The following AMELY variants were observed in gnomAD, a reference collection of about 807,000 sequenced individuals.
AMELY encodes the protein amelogenin, Y isoform.
In AMELY, 4 loss-of-function variants were observed where a neutral mutation model predicts 4.2. That is an observed-to-expected ratio of 0.96 (90% CI 0.47 to 2.19). The LOEUF (loss-of-function observed/expected upper bound fraction) is 2.19, where lower values mean the gene tolerates loss of function less well. Ranked by LOEUF, AMELY falls within the 30% of genes most tolerant of loss-of-function variation. AMELY has a pLI of 0.02. For missense variants in AMELY, 32 were observed against 41.5 expected, an observed-to-expected ratio of 0.77 and a Z score of 0.63; for synonymous variants, 11 against 14.7, an observed-to-expected ratio of 0.75 and a Z score of 0.57.
intron 6 of AMELY, among the ~76,000 whole-genome samples, chrY:6,866,454 A>G (rs769262971): frequency 6.1e-5 from 2 of 32,784 alleles, no homozygotes; most frequent in African/African-American, 2.4e-4. Context: ...AGTTCAAACT[A>G]TCTGCCCAAA....
chrY:6,899,919 C>T, intron 1 of AMELY, among the ~76,000 whole-genome samples: 2 of 33,055 alleles, frequency 6.1e-5, no homozygotes, highest in African/African-American at 2.4e-4. Flanking sequence ...ATGGTGTTCA[C>T]CTGTTATCCC....
chrY:6,911,166 A>G (rs2011688940), intron 1 of AMELY, among the ~76,000 whole-genome samples: 2 of 34,528 alleles, frequency 5.8e-5, no homozygotes, highest in African/African-American at 2.2e-4. Context: ...CGCTCCCTGG[A>G]CTCAACAATA....
At chrY:6,886,161 C>G (rs2054079996) in intron 1 of AMELY, among the ~76,000 whole-genome samples, 1 of 33,321 alleles carries the variant, frequency 3.0e-5, no homozygotes, top group Non-Finnish European at 7.4e-5. Flanking sequence ...AACCAGAGGC[C>G]TAAAGAAAAT....
At chrY:6,905,003 A>T in intron 1 of AMELY, among the ~76,000 whole-genome samples, 1 of 33,622 alleles carries the variant, frequency 3.0e-5, no homozygotes, top group South Asian at 6.8e-4. Context: ...CAGCATCTCT[A>T]TCTGCCACTG....
chrY:6,890,790 G>GAA (rs2054082541), intron 1 of AMELY, among the ~76,000 whole-genome samples: 1 of 33,631 alleles, frequency 3.0e-5, no homozygotes, highest in African/African-American at 1.2e-4. Flanking sequence ...TGTCACTGGT[G>GAA]GTGCTAGGTT....
intron 3 of AMELY, among the ~76,000 whole-genome samples, chrY:6,871,960 A>AAACAAC (rs1316640666): frequency 3.7e-4 from 11 of 29,416 alleles, no homozygotes; most frequent in South Asian, 1.6e-3. Context: ...CTCCATCTCA[A>AAACAAC]AACAACAACA....
chrY:6,871,505 A>C, intron 3 of AMELY, among the ~76,000 whole-genome samples: 1 of 33,139 alleles, frequency 3.0e-5, no homozygotes, highest in African/African-American at 1.2e-4. Context: ...CTAACACAGA[A>C]ATCTTACCCT....
chrY:6,896,799 C>T, intron 1 of AMELY, among the ~76,000 whole-genome samples: 1 of 32,842 alleles, frequency 3.0e-5, no homozygotes, highest in African/African-American at 1.2e-4. Flanking sequence ...CCAGAGCAAC[C>T]CAAGAGAAAA....
chrY:6,884,560 C>T, intron 1 of AMELY, among the ~76,000 whole-genome samples: 1 of 32,698 alleles, frequency 3.1e-5, no homozygotes, highest in East Asian at 8.0e-4. Flanking sequence ...CAAGACCCAG[C>T]AGTATACTGT....
chrY:6,876,709 G>A, intron 1 of AMELY, among the ~76,000 whole-genome samples: 2 of 32,776 alleles, frequency 6.1e-5, no homozygotes, highest in Non-Finnish European at 1.5e-4. Context: ...ACAGACATGA[G>A]CCCAGAGCAG....
intron 1 of AMELY, among the ~76,000 whole-genome samples, 119 bp from the exon 2 acceptor site, chrY:6,874,190 C>T: frequency 9.1e-5 from 3 of 32,901 alleles, no homozygotes; most frequent in Non-Finnish European, 2.3e-4. Flanking sequence ...TGTGATTAGT[C>T]CATATAGTTC....
At chrY:6,882,625 C>A (rs2054075653) in intron 1 of AMELY, among the ~76,000 whole-genome samples, 1 of 32,784 alleles carries the variant, frequency 3.1e-5, no homozygotes, top group Non-Finnish European at 7.5e-5. Context: ...GAGTTTCTCC[C>A]CAGCAAAAGA....
chrY:6,897,807 CAG>C (rs2054087027), intron 1 of AMELY, among the ~76,000 whole-genome samples: 1 of 30,938 alleles, frequency 3.2e-5, no homozygotes, highest in African/African-American at 1.3e-4. Context: ...CTTTCTGAGA[CAG>C]AGTCTCACTC....
At chrY:6,869,578 A>C in intron 4 of AMELY, among the ~76,000 whole-genome samples, 1 of 33,950 alleles carries the variant, frequency 2.9e-5, no homozygotes, top group East Asian at 7.7e-4. Flanking sequence ...TGTGAATATT[A>C]CAGTAATTTC....
intron 2 of AMELY, among the ~76,000 whole-genome samples, chrY:6,873,680 C>A (rs2054070032): frequency 3.1e-5 from 1 of 32,409 alleles, no homozygotes; most frequent in South Asian, 6.8e-4. Flanking sequence ...ATAAAGATAG[C>A]CTTAAAGTAT....
intron 6 of AMELY, among the ~76,000 whole-genome samples, chrY:6,866,488 G>A: frequency 9.2e-5 from 3 of 32,466 alleles, no homozygotes; most frequent in Non-Finnish European, 2.2e-4. Context: ...AAATAGCTTT[G>A]TCAAGGTGTG....
At chrY:6,870,293 T>C (rs1001903946) in intron 3 of AMELY, among the ~76,000 whole-genome samples, 18 of 33,644 alleles carry the variant, frequency 5.4e-4, no homozygotes, top group African/African-American at 2.1e-3. Flanking sequence ...GCTAAATGAT[T>C]GTCCCTGGGG....
intron 6 of AMELY, among the ~76,000 whole-genome samples, chrY:6,866,666 G>A (rs2054062219): frequency 4.8e-5 from 1 of 20,878 alleles, no homozygotes; most frequent in African/African-American, 1.9e-4. Flanking sequence ...TTTTTGAGGC[G>A]GAGTTTCACT....
intron 1 of AMELY, among the ~76,000 whole-genome samples, chrY:6,891,245 C>G: frequency 2.9e-5 from 1 of 34,017 alleles, no homozygotes; most frequent in Admixed American, 2.6e-4. Context: ...TGGCCTAAAC[C>G]TAGTTATTAA....
Sources: allele counts gnomAD v4.1 joint callset (sites outside exome capture counted in the v4.1 genomes callset), GRCh38; gene constraint gnomAD v4.1.1; transcripts MANE v1.5; gene names NCBI Gene and HGNC (gene_info 2026-07-23, HGNC 2026-07-21).